The following DCC variants were observed in gnomAD, a reference collection of about 807,000 sequenced individuals.
DCC encodes netrin receptor DCC.
A neutral mutation model predicts 172.5 loss-of-function variants in DCC; 58 were observed. The ratio of observed to expected loss-of-function variants is 0.34; its 90% CI spans 0.27 to 0.42. The LOEUF is 0.42. Among genes scored for constraint, DCC ranks in the 10% least tolerant of loss-of-function variants. The pLI is 1.00. For synonymous variants in DCC, 709 were observed against 644.5 expected, an observed-to-expected ratio of 1.10 and a Z score of -1.52; for missense variants, 1,740 against 1,791.0, an observed-to-expected ratio of 0.97 and a Z score of 0.51.
At position 53,534,425 on chromosome 18, in the gene DCC, T is replaced by G. The variant is rs1055796929; in HGVS notation, c.*3772T>G. The G allele has an allele frequency of 2.0e-5, 3 of 152,194 alleles. No homozygotes were observed. Among genetic ancestry groups the G allele is most frequent in the African/African-American group, 7.2e-5 (3 of 41,454 alleles). The allele number at this position is 152,194 out of a possible 1,614,324, so 9.4% of individuals were successfully genotyped here. ...GCCAGAGGTTACTATCCTAACCTGC[T>G]CATAACCATATACTATACAGAGCCC... On this transcript the variant is annotated 3_prime_UTR_variant, in exon 29 of 29. Transcript: ENST00000442544.
intron 1 of DCC, among the ~76,000 whole-genome samples, chr18:52,553,857 T>C (rs2032841804): frequency 6.6e-6 from 1 of 152,034 alleles, no homozygotes; most frequent in Admixed American, 6.6e-5. Context: ...TGCAAAGGCA[T>C]ATAATGAAGA....
chr18:52,995,985 C>T (rs2041471562), intron 5 of DCC, among the ~76,000 whole-genome samples: 1 of 151,714 alleles, frequency 6.6e-6, no homozygotes. Flanking sequence ...TGAGTAAAGA[C>T]TGTTCATACC....
At chr18:53,113,658 G>A (rs2043368243) in intron 7 of DCC, among the ~76,000 whole-genome samples, 1 of 151,268 alleles carries the variant, frequency 6.6e-6, no homozygotes, top group Non-Finnish European at 1.5e-5. Context: ...AGTTTAGAAT[G>A]TAGATTACTT....
At chr18:52,496,055 A>G (rs780998805) in intron 1 of DCC, among the ~76,000 whole-genome samples, 10 of 152,138 alleles carry the variant, frequency 6.6e-5, no homozygotes, top group Non-Finnish European at 1.3e-4. Flanking sequence ...TTAATATGCT[A>G]TGTACCATAG....
chr18:52,858,131 T>C (rs181529646), intron 2 of DCC, among the ~76,000 whole-genome samples: 49 of 152,328 alleles, frequency 3.2e-4, no homozygotes, highest in African/African-American at 8.7e-4. Flanking sequence ...CATGCAGTAG[T>C]TGACATTTAC....
intron 12 of DCC, among the ~76,000 whole-genome samples, chr18:53,249,063 A>C (rs936433869): frequency 5.3e-5 from 8 of 151,994 alleles, no homozygotes; most frequent in African/African-American, 1.9e-4. Context: ...GAAAAATGTC[A>C]GCATAGAAAT....
intron 1 of DCC, among the ~76,000 whole-genome samples, chr18:52,431,566 C>T (rs1255486001): frequency 2.6e-5 from 4 of 152,042 alleles, no homozygotes; most frequent in Non-Finnish European, 4.4e-5. Context: ...AAGTATTGTT[C>T]GTCTTAAAGG....
chr18:53,122,404 A>T (rs2043495375), intron 7 of DCC, among the ~76,000 whole-genome samples: 1 of 152,068 alleles, frequency 6.6e-6, no homozygotes, highest in Non-Finnish European at 1.5e-5. Flanking sequence ...ACCAGAATTT[A>T]TGTAGATGCA....
At chr18:52,780,153 G>T (rs1200786713) in intron 2 of DCC, among the ~76,000 whole-genome samples, 1 of 151,742 alleles carries the variant, frequency 6.6e-6, no homozygotes, top group East Asian at 1.9e-4. Flanking sequence ...ATTTATTTTT[G>T]CCTGACTCTT....
In DCC at chr18:52,910,573, T is replaced by A. The variant is rs137857033; in HGVS notation, c.697+4245T>A. On this transcript the variant is annotated intron_variant, in intron 3 of 28. Coordinates refer to ENST00000442544, the MANE Select transcript of DCC (RefSeq NM_005215.4). ...GTCTGATTGTGTGTGATGGCGAACA[T>A]GTGATGAATGGAAGCAGCCATTGTG... is the stretch of plus-strand genomic sequence containing the variant. Among the ~76,000 whole-genome samples, 631 of 152,272 alleles carry A rather than the reference T, an allele frequency of 4.1e-3. 8 individuals are homozygous for A. The highest frequency in any genetic ancestry group is 0.014 in the African/African-American group (563 of 41,560).
intron 2 of DCC, among the ~76,000 whole-genome samples, chr18:52,900,026 G>T (rs544822445): frequency 6.6e-6 from 1 of 152,152 alleles, no homozygotes; most frequent in Non-Finnish European, 1.5e-5. Context: ...TAGTCTGGAC[G>T]ATGGCTAGCA....
chr18:52,620,034 T>C (rs1372681567), intron 1 of DCC, among the ~76,000 whole-genome samples: 1 of 152,232 alleles, frequency 6.6e-6, no homozygotes, highest in Non-Finnish European at 1.5e-5. Context: ...GGAAAGGCCA[T>C]TGAGGCCCCC....
At chr18:52,673,243 G>C (rs571594756) in intron 1 of DCC, among the ~76,000 whole-genome samples, 43 of 152,244 alleles carry the variant, frequency 2.8e-4, no homozygotes, top group African/African-American at 1.0e-3. Context: ...GATTTCACCA[G>C]TCTTTTCATT....
At chr18:53,500,504 C>T (rs896374009) in intron 27 of DCC, among the ~76,000 whole-genome samples, 7 of 151,788 alleles carry the variant, frequency 4.6e-5, no homozygotes, top group Non-Finnish European at 7.4e-5. Context: ...TATTTTGTTG[C>T]ATTAGTACAC....
intron 2 of DCC, among the ~76,000 whole-genome samples, chr18:52,793,913 C>G (rs111310796): frequency 0.024 from 3,662 of 152,142 alleles, 68 homozygotes; most frequent in Non-Finnish European, 0.036. Context: ...AAGGTATTCT[C>G]TTTGTGCCTT....
intron 1 of DCC, among the ~76,000 whole-genome samples, chr18:52,635,822 C>CT (rs386366071): frequency 6.6e-6 from 1 of 152,050 alleles, no homozygotes; most frequent in Non-Finnish European, 1.5e-5. Flanking sequence ...AAACTCCCCC[C>CT]AAAAAAGTCA....
chr18:52,879,182 C>T (rs1170809992), intron 2 of DCC, among the ~76,000 whole-genome samples: 2 of 152,100 alleles, frequency 1.3e-5, no homozygotes. Context: ...AAAGAAAGCT[C>T]TTTCATAAAC....
At chr18:53,131,105 G>C (rs1179620935) in intron 7 of DCC, among the ~76,000 whole-genome samples, 2 of 152,048 alleles carry the variant, frequency 1.3e-5, no homozygotes, top group African/African-American at 4.8e-5. Flanking sequence ...CCTCAGAATA[G>C]GGATGGCACC....
At chr18:52,416,396 G>T (rs1433424161) in intron 1 of DCC, among the ~76,000 whole-genome samples, 1 of 151,958 alleles carries the variant, frequency 6.6e-6, no homozygotes, top group Non-Finnish European at 1.5e-5. Flanking sequence ...GGTCCGCTTG[G>T]TGCAGAGCTG....
Sources: gnomAD v4.1 joint callset for allele counts (sites outside exome capture counted in the v4.1 genomes callset) on GRCh38, gnomAD v4.1.1 for gene constraint, MANE v1.5 for transcripts, NCBI Gene and HGNC (gene_info 2026-07-23, HGNC 2026-07-21) for gene names.